The following DDX20 variants were observed in gnomAD, a reference collection of about 807,000 sequenced individuals.
The protein encoded by DDX20 is DEAD-box helicase 20.
In DDX20, 61 loss-of-function variants were observed where a neutral mutation model predicts 76.4. The ratio of observed to expected loss-of-function variants is 0.80; its 90% confidence interval spans 0.65 to 0.99. DDX20 has a LOEUF of 0.99. Ranked by LOEUF, DDX20 falls within the 50% of genes least tolerant of loss-of-function variation. The pLI is 0.00. For missense variants in DDX20, 976 were observed against 996.8 expected, an observed-to-expected ratio of 0.98 and a Z score of 0.28; for synonymous variants, 357 against 357.4, an observed-to-expected ratio of 1.00 and a Z score of 0.01.
intron 2 of DDX20, among the ~76,000 whole-genome samples, chr1:111,757,043 T>C (rs1471127878): frequency 2.6e-5 from 4 of 151,558 alleles, no homozygotes; most frequent in African/African-American, 9.8e-5. Flanking sequence ...CTGGCTATTG[T>C]TGGTAACTGC....
In DDX20 at chr1:111,760,473, G is replaced by T. The variant is rs1246015941; in HGVS notation, c.566-1G>T. On this transcript the variant is annotated splice_acceptor_variant, in intron 3 of 10. Transcript: ENST00000369702. LOFTEE classifies it high-confidence loss of function. The stretch of plus-strand genomic sequence containing the variant: ...TATTTCAATTTTTTTTTTTTAATTA[G>T]GCAGAATTAAGCAACTCATAGAACT... 3 of 1,563,658 alleles carry T rather than the reference G, an allele frequency of 1.9e-6. No individual in the cohort carries two copies. The highest frequency in any genetic ancestry group is 1.4e-5 in the African/African-American group (1 of 71,712).
At chr1:111,759,777 A>C (rs1396815079) in intron 3 of DDX20, among the ~76,000 whole-genome samples, 1 of 151,774 alleles carries the variant, frequency 6.6e-6, no homozygotes, top group Non-Finnish European at 1.5e-5. Context: ...GATCGAGACC[A>C]TCCTGGCTAA....
chr1:111,756,265 G>GGGGTT, intron 1 of DDX20, 40 bp downstream of exon 1: 2 of 1,194,780 alleles, frequency 1.7e-6, no homozygotes, highest in Non-Finnish European at 1.1e-6. Context: ...GGGTGGGGTG[G>GGGGTT]GAGAAGGGGG....
At chr1:111,762,026 G>C in intron 7 of DDX20, 1 of 439,384 alleles carries the variant, frequency 2.3e-6, no homozygotes, top group Non-Finnish European at 4.1e-6. Flanking sequence ...GGCATGGCCT[G>C]ATCACTATTT....
Position 111,762,257 on chromosome 1 carries a change from A to C in DDX20, c.1024A>C (p.Asn342His). Reference sequence around the variant, plus strand: ...ACTTTCTTTTGGGGTCCTTTTAGGCAATATGAATCAGAATCAGCGTCTTGA... The same window carrying C: ...ACTTTCTTTTGGGGTCCTTTTAGGCCATATGAATCAGAATCAGCGTCTTGA... The part of the protein sequence containing the change: ...KGFPAECISG[N>H]MNQNQRLDAM... The change falls in exon 8 of 11, where the codon AAT becomes CAT. Residue 342 changes from asparagine to histidine, a missense_variant and splice_region_variant. Asn to His is a moderately conservative substitution (Grantham distance 68). This residue lies in a region of DDX20 where 630 missense variants were observed against 693.7 expected (regional missense o/e 0.91). Coordinates refer to ENST00000369702, the MANE Select transcript of DDX20 (RefSeq NM_007204.5). 6.2e-7 allele frequency: 1 copy of C among 1,611,686 alleles called. No homozygotes were observed. Among genetic ancestry groups the C allele is most frequent in the Non-Finnish European group, 8.5e-7 (1 of 1,179,202 alleles).
At chr1:111,763,374 C>T (rs540894554) in intron 10 of DDX20, among the ~76,000 whole-genome samples, 17 of 152,126 alleles carry the variant, frequency 1.1e-4, no homozygotes, top group Non-Finnish European at 2.1e-4. Flanking sequence ...GAGTTCAAGA[C>T]GAGCCTGGTC....
At chr1:111,758,783 T>C (rs2101416239) in intron 2 of DDX20, among the ~76,000 whole-genome samples, 1 of 152,364 alleles carries the variant, frequency 6.6e-6, no homozygotes, top group Middle Eastern at 3.4e-3. Context: ...TCATTACTTA[T>C]TTTTGTTTAC....
rs1663656103 is a variant in DDX20 at position 111,760,726 on chromosome 1, C to T, written c.701C>T (p.Pro234Leu). 6.2e-7 allele frequency: 1 copy of T among 1,611,058 alleles called. No homozygotes were observed. The highest frequency in any genetic ancestry group is 1.7e-5 in the Admixed American group (1 of 59,318). ...EQINWIYSSL[P>L]ASKQMLAVSA... is the part of the protein sequence containing the mutation. ...TGCAGTTGGATTTATTCTTCCTTGC[C>T]TGCCAGTAAACAGATGCTGGCAGTA... The change falls in exon 5 of 11, where the codon CCT (proline) becomes CTT (leucine). Residue 234 changes from proline to leucine, a missense_variant. Around this residue, in one of 3 missense-constraint regions of DDX20, gnomAD observed 3 missense variants for 16.8 expected, o/e 0.18. Transcript: ENST00000369702.
chr1:111,756,268 G>GTTT, intron 1 of DDX20, 43 bp downstream of exon 1: 1 of 739,112 alleles, frequency 1.4e-6, no homozygotes, highest in Non-Finnish European at 2.0e-6. Flanking sequence ...TGGGGTGGGA[G>GTTT]AAGGGGGACC....
At chr1:111,759,973 CAAA>C (rs754870294) in intron 3 of DDX20, among the ~76,000 whole-genome samples, 9 of 57,620 alleles carry the variant, frequency 1.6e-4, no homozygotes, top group Admixed American at 3.7e-4. Context: ...GACTCCATCT[CAAA>C]AAAAAAAAAA....
At chr1:111,758,123 G>T (rs1162503427) in intron 2 of DDX20, among the ~76,000 whole-genome samples, 3 of 152,116 alleles carry the variant, frequency 2.0e-5, no homozygotes, top group Non-Finnish European at 2.9e-5. Flanking sequence ...CTCCCAACAT[G>T]CTGGGATCAC....
chr1:111,763,477 C>G (rs1391562030), intron 10 of DDX20, among the ~76,000 whole-genome samples: 1 of 151,286 alleles, frequency 6.6e-6, no homozygotes, highest in Non-Finnish European at 1.5e-5. Context: ...GAGGCTGAGG[C>G]AGGAGAATCG....
At chr1:111,758,154 G>A (rs1022062828) in intron 2 of DDX20, among the ~76,000 whole-genome samples, 1 of 151,980 alleles carries the variant, frequency 6.6e-6, no homozygotes, top group Non-Finnish European at 1.5e-5. Flanking sequence ...CACCATGCCC[G>A]GCAAATTCAT....
rs1027022482 is a variant in DDX20, at chr1:111,763,045, A to G, written c.1312+38A>G. On this transcript the variant is annotated intron_variant, in intron 10 of 10. Coordinates refer to ENST00000369702, the MANE Select transcript of DDX20 (RefSeq NM_007204.5). ...TGTTTCATTATTTCAAAATAATTAT[A>G]GTGGTGATAAGCATAATAAAAATGA... The G allele has an allele frequency of 7.5e-6, 11 of 1,459,936 alleles. No individual in the cohort carries two copies. The Admixed American group carries it at 1.7e-4, about 23-fold the overall frequency. 90.4% of individuals were successfully genotyped at this position (1,459,936 alleles called of 1,614,324 possible). A position where few individuals can be genotyped will look rare whatever the true frequency, so the allele number is the denominator to read the frequency against.
chr1:111,766,034 G>A lies in DDX20; in HGVS notation c.1610G>A (p.Gly537Asp), dbSNP rs1455041404. 1 of 1,614,054 alleles carries A rather than the reference G, an allele frequency of 6.2e-7. No individual in the cohort carries two copies. Among genetic ancestry groups the A allele is most frequent in the African/African-American group, 1.3e-5 (1 of 74,904 alleles). Residue 537 changes from glycine to aspartate, a missense_variant, in exon 11 of 11, where the codon GGC (glycine) becomes GAC (aspartate). Physicochemically the swap from Gly to Asp is moderately conservative, Grantham distance 94. Transcript: ENST00000369702. Reference protein sequence around the residue: ...IEKATSPKELGCDRQSEEQMK... With the variant: ...IEKATSPKELDCDRQSEEQMK... ...AAAGCAACGTCACCAAAAGAACTGG[G>A]CTGTGACAGGCAATCCGAAGAGCAA...
In DDX20 at chr1:111,759,518, C is replaced by G. The variant is rs759474730; in HGVS notation, c.515C>G (p.Ser172Ter). The change falls in exon 3 of 11, where the codon TCA (serine) becomes TGA (stop). Residue 172 changes from serine (S) to a stop codon, truncating the protein, a stop_gained. Coordinates refer to ENST00000369702, the MANE Select transcript of DDX20 (RefSeq NM_007204.5). LOFTEE classifies it high-confidence loss of function. ...CHVFIGGTPL[S>*]QDKTRLKKCH... The stretch of plus-strand genomic sequence containing the variant: ...GTCTTTATTGGAGGGACCCCATTAT[C>G]ACAAGACAAAACCAGACTTAAAAAG... 1.2e-6 allele frequency: 2 copies of G among 1,613,908 alleles called. No individual in the cohort carries two copies. The highest frequency in any genetic ancestry group is 2.2e-5 in the South Asian group (2 of 91,046).
At chr1:111,758,680 A>G (rs966170962) in intron 2 of DDX20, among the ~76,000 whole-genome samples, 1 of 152,124 alleles carries the variant, frequency 6.6e-6, no homozygotes, top group African/African-American at 2.4e-5. Flanking sequence ...TCTCTGCTCA[A>G]AGTACCTCCT....
At chr1:111,762,606 A>G (rs519155) in intron 8 of DDX20, 71 bp from the exon 9 acceptor site, 171,813 of 1,298,990 alleles carry the variant, frequency 0.13, 14,369 homozygotes, top group African/African-American at 0.38. Flanking sequence ...TACTGGAAGA[A>G]TATAATATGC....
At position 111,767,975 on chromosome 1, in the gene DDX20, T is replaced by A. The variant is rs1663816555; in HGVS notation, c.*1076T>A. ...AGCTGATGCATCTGTAAATTACGAT[T>A]TAGAAAAATATAATTGGAAATTACA... On this transcript the variant is annotated 3_prime_UTR_variant, in exon 11 of 11. Transcript: ENST00000369702. The A allele has an allele frequency of 1.3e-5, 2 of 152,208 alleles. No homozygotes were observed. The highest frequency in any genetic ancestry group is 1.5e-5 in the Non-Finnish European group (1 of 68,016). 9.4% of individuals were successfully genotyped at this position (152,208 alleles called of 1,614,324 possible). A position where few individuals can be genotyped will look rare whatever the true frequency, so the allele number is the denominator to read the frequency against.
Sources: gnomAD v4.1 joint callset for allele counts (sites outside exome capture counted in the v4.1 genomes callset) on GRCh38, gnomAD v4.1.1 for gene constraint, gnomAD v4.1.1 regional missense constraint, MANE v1.5 for transcripts, NCBI Gene and HGNC (gene_info 2026-07-23, HGNC 2026-07-21) for gene names.